DNALI1: variants seen among roughly 807,000 people sequenced by gnomAD.
The protein encoded by DNALI1 is axonemal dynein light intermediate polypeptide 1.
DNALI1 carries 31 observed loss-of-function variants against 33.9 expected under a neutral mutation model. That is an observed-to-expected ratio of 0.91 (90% CI 0.69 to 1.23). DNALI1 has a LOEUF of 1.23. Ranked by LOEUF, DNALI1 falls within the 50% of genes most tolerant of loss-of-function variation. The pLI, the probability that DNALI1 is intolerant of heterozygous loss-of-function variation, is 0.00. For missense variants in DNALI1, 305 were observed against 323.8 expected, an observed-to-expected ratio of 0.94 and a Z score of 0.44; for synonymous variants, 117 against 129.2, an observed-to-expected ratio of 0.91 and a Z score of 0.64.
rs746866631 is a variant in DNALI1 at position 37,561,744 on chromosome 1, G to A, written c.576+9G>A. On this transcript the variant is annotated intron_variant, in intron 4 of 5. Coordinates refer to ENST00000652629, the MANE Select transcript of DNALI1 (RefSeq NM_003462.5). The surrounding 1 kb of genome is among the most constrained non-coding windows in gnomAD (Gnocchi z 4.6). ...CAGACATGGAGAGGAAAGTGAGTGG[G>A]GTTTACCGTGACCCTTGGTCCCATC... is the stretch of plus-strand genomic sequence containing the variant. 6 of 1,611,876 alleles carry A rather than the reference G, an allele frequency of 3.7e-6. No individual in the cohort carries two copies. The highest frequency in any genetic ancestry group is 3.3e-5 in the Admixed American group (2 of 59,870).
intron 3 of DNALI1, chr1:37,560,827 A>G (rs1238206883): frequency 6.6e-6 from 1 of 152,240 alleles, no homozygotes; most frequent in Admixed American, 6.5e-5. Flanking sequence ...AGTCAGAAAG[A>G]TTAATGTTCA....
Position 37,566,663 on chromosome 1 carries a change from C to T in DNALI1, c.*1602C>T. 1 of 578,206 alleles carries T rather than the reference C, an allele frequency of 1.7e-6. No homozygotes were observed. The highest frequency in any genetic ancestry group is 3.2e-5 in the Admixed American group (1 of 30,936). The allele number at this position is 578,206 out of a possible 1,614,324, so 35.8% of individuals were successfully genotyped here. ...GTTCATCCAAAGTCTACCTGAAGTG[C>T]TAGACTTTCAGACTCTTATCACTGA... is the stretch of plus-strand genomic sequence containing the variant. On this transcript the variant is annotated 3_prime_UTR_variant, in exon 6 of 6. Transcript: ENST00000652629.
chr1:37,557,786 G>A (rs771643431), intron 2 of DNALI1, 38 bp downstream of exon 2: 1 of 1,609,770 alleles, frequency 6.2e-7, no homozygotes, highest in Admixed American at 1.7e-5. Flanking sequence ...GAAGGCCTAA[G>A]CTTTTACATC....
rs1464360941 is a variant in DNALI1, at chr1:37,565,639, C to G, written c.*578C>G. The G allele has an allele frequency of 6.5e-6, 1 of 152,826 alleles. No individual in the cohort carries two copies. The highest frequency in any genetic ancestry group is 1.5e-5 in the Non-Finnish European group (1 of 68,560). The allele number at this position is 152,826 out of a possible 1,614,324, so 9.5% of individuals were successfully genotyped here. A position where few individuals can be genotyped will look rare whatever the true frequency, so the allele number is the denominator to read the frequency against. On this transcript the variant is annotated 3_prime_UTR_variant, in exon 6 of 6. Coordinates refer to ENST00000652629, the MANE Select transcript of DNALI1 (RefSeq NM_003462.5). ...GTTTCAGACTGCCTACATTAGGAAA[C>G]AATGGCAGTCAAACCCATGGCTTTG...
chr1:37,558,034 C>A (rs891876112), intron 2 of DNALI1: 116 of 376,186 alleles, frequency 3.1e-4, no homozygotes, highest in African/African-American at 2.3e-3. Flanking sequence ...CTCCACTAAA[C>A]TCCAGGACCA....
rs757201027 is a variant in DNALI1 at position 37,562,189 on chromosome 1, GAGA to G, written c.691_693del (p.Lys231del). The G allele has an allele frequency of 5.0e-5, 81 of 1,613,882 alleles. No homozygotes were observed. Among genetic ancestry groups the G allele is most frequent in the African/African-American group, 1.5e-4 (11 of 74,916 alleles). On this transcript the variant is annotated inframe_deletion, in exon 5 of 6. Transcript: ENST00000652629. The surrounding 1 kb of genome is among the most constrained non-coding windows in gnomAD (Gnocchi z 5.8). ...GGAGAGCGAGAGGCGGCAGGTGGAGGAGAAGAAGCACAATGAGGAGATTCAGTT... is the reference window on the plus strand; with the variant it reads ...GGAGAGCGAGAGGCGGCAGGTGGAGGAGAAGCACAATGAGGAGATTCAGTT...
chr1:37,561,989 G>A lies in DNALI1; in HGVS notation c.577-92G>A, dbSNP rs1643445247. Reference sequence around the variant, plus strand: ...CCCACTGGGTGGCAGTATATACCCTGGCAATGTCATGTCCCATGTCCCTTC... The same window carrying A: ...CCCACTGGGTGGCAGTATATACCCTAGCAATGTCATGTCCCATGTCCCTTC... On this transcript the variant is annotated intron_variant, in intron 4 of 5. Transcript: ENST00000652629. The surrounding 1 kb of genome is among the most constrained non-coding windows in gnomAD (Gnocchi z 4.6). The A allele has an allele frequency of 6.4e-7, 1 of 1,571,320 alleles. No homozygotes were observed. Among genetic ancestry groups the A allele is most frequent in the Admixed American group, 1.7e-5 (1 of 57,796 alleles).
At chr1:37,558,931 C>T (rs1643404216) in intron 2 of DNALI1, among the ~76,000 whole-genome samples, 1 of 152,254 alleles carries the variant, frequency 6.6e-6, no homozygotes, top group South Asian at 2.1e-4. Flanking sequence ...ATACACACAT[C>T]TGCCTCTTTC....
chr1:37,557,138 C>A, intron 1 of DNALI1, 63 bp downstream of exon 1: 1 of 1,608,050 alleles, frequency 6.2e-7, no homozygotes, highest in South Asian at 1.1e-5. Flanking sequence ...GACACATTCC[C>A]GCATGGAGGG....
chr1:37,562,190 A>G lies in DNALI1; in HGVS notation c.686A>G (p.Glu229Gly), dbSNP rs1570040121. 3 of 1,613,760 alleles carry G rather than the reference A, an allele frequency of 1.9e-6. No individual in the cohort carries two copies. Among genetic ancestry groups the G allele is most frequent in the Non-Finnish European group, 1.7e-6 (2 of 1,179,828 alleles). ...KRESERRQVE[E>G]KKHNEEIQFL... ...GAGAGCGAGAGGCGGCAGGTGGAGG[A>G]GAAGAAGCACAATGAGGAGATTCAG... The change falls in exon 5 of 6, where the codon GAG becomes GGG. Residue 229 changes from glutamate to glycine, a missense_variant. Coordinates refer to ENST00000652629, the MANE Select transcript of DNALI1 (RefSeq NM_003462.5). The surrounding 1 kb of genome is among the most constrained non-coding windows in gnomAD (Gnocchi z 5.8).
chr1:37,563,184 T>C lies in DNALI1; in HGVS notation c.741+939T>C, dbSNP rs1452840585. On this transcript the variant is annotated intron_variant, in intron 5 of 5. Transcript: ENST00000652629. ...ACCTTACAATCTTGACATTGCAGGC[T>C]TGTTTGGTCTACACACCAGCAGGAC... 3.9e-5 allele frequency among the ~76,000 whole-genome samples: 6 copies of C among 152,330 alleles called. No individual in the cohort carries two copies. The East Asian group carries it at 7.7e-4, about 20-fold the overall frequency.
Position 37,565,238 on chromosome 1 carries a change from C to A in DNALI1, c.*177C>A. On this transcript the variant is annotated 3_prime_UTR_variant, in exon 6 of 6. Coordinates refer to ENST00000652629, the MANE Select transcript of DNALI1 (RefSeq NM_003462.5). Reference sequence around the variant, plus strand: ...TTTGTTAGAAGTCACACTATTACTCCAATGTCATCAGACACCTAAGGTCTG... The same window carrying A: ...TTTGTTAGAAGTCACACTATTACTCAAATGTCATCAGACACCTAAGGTCTG... 1 of 664,574 alleles carries A rather than the reference C, an allele frequency of 1.5e-6. No homozygotes were observed. Among genetic ancestry groups the A allele is most frequent in the South Asian group, 1.9e-5 (1 of 53,104 alleles). 41.2% of individuals were successfully genotyped at this position (664,574 alleles called of 1,614,324 possible). A position where few individuals can be genotyped will look rare whatever the true frequency, so the allele number is the denominator to read the frequency against.
chr1:37,557,649 C>G lies in DNALI1; in HGVS notation c.128C>G (p.Ser43Ter), dbSNP rs1557631786. 1.2e-6 allele frequency: 2 copies of G among 1,614,072 alleles called. No individual in the cohort carries two copies. Among genetic ancestry groups the G allele is most frequent in the Non-Finnish European group, 1.7e-6 (2 of 1,179,980 alleles). The change falls in exon 2 of 6, where the codon TCA (serine) becomes TGA (stop). Residue 43 changes from serine to a stop codon, truncating the protein, a stop_gained. Coordinates refer to ENST00000652629, the MANE Select transcript of DNALI1 (RefSeq NM_003462.5). LOFTEE classifies it high-confidence loss of function. ...CCCCAGCAGCCTGGACCTTCAGGTT[C>G]AGCCCCACAGCCACCCAAGACCAAG... ...VSPQQPGPSG[S>*]APQPPKTKLP...
rs552818705 is a variant in DNALI1, at chr1:37,559,940, C to T, written c.397+444C>T. 1.6e-4 allele frequency among the ~76,000 whole-genome samples: 25 copies of T among 152,262 alleles called. No individual in the cohort carries two copies. Among genetic ancestry groups the T allele is most frequent in the African/African-American group, 5.3e-4 (22 of 41,546 alleles). On this transcript the variant is annotated intron_variant, in intron 3 of 5. Coordinates refer to ENST00000652629, the MANE Select transcript of DNALI1 (RefSeq NM_003462.5). This position sits in a 1 kb window ranked among gnomAD's most constrained non-coding sequence, Gnocchi z 5.3. Reference sequence around the variant, plus strand: ...GAAGATCAGCAAGAAAACACGTGAGCAAAGGAATCTGTGTCACGAATAAGT... The same window carrying T: ...GAAGATCAGCAAGAAAACACGTGAGTAAAGGAATCTGTGTCACGAATAAGT...
chr1:37,562,358 C>A lies in DNALI1; in HGVS notation c.741+113C>A. The A allele has an allele frequency of 1.4e-6, 2 of 1,383,242 alleles. No homozygotes were observed. The highest frequency in any genetic ancestry group is 2.5e-5 in the East Asian group (1 of 39,728). 85.7% of individuals were successfully genotyped at this position (1,383,242 alleles called of 1,614,324 possible). On this transcript the variant is annotated intron_variant, in intron 5 of 5. Coordinates refer to ENST00000652629, the MANE Select transcript of DNALI1 (RefSeq NM_003462.5). This position sits in a 1 kb window ranked among gnomAD's most constrained non-coding sequence, Gnocchi z 5.8. ...TTTAAATGTTTGTCCACATGCACTGCCAAAGGATAAAGGAAGCTGACTTTG... is the reference window on the plus strand; with the variant it reads ...TTTAAATGTTTGTCCACATGCACTGACAAAGGATAAAGGAAGCTGACTTTG...
rs1401337849 is a variant in DNALI1 at position 37,562,756 on chromosome 1, G to A, written c.741+511G>A. Among the ~76,000 whole-genome samples, 1 of 152,184 alleles carries A rather than the reference G, an allele frequency of 6.6e-6. No homozygotes were observed. The highest frequency in any genetic ancestry group is 1.5e-5 in the Non-Finnish European group (1 of 68,034). On this transcript the variant is annotated intron_variant, in intron 5 of 5. Transcript: ENST00000652629. The surrounding 1 kb of genome is among the most constrained non-coding windows in gnomAD (Gnocchi z 5.8). Reference sequence around the variant, plus strand: ...GTGGTCGGGGAACCCAGGCACAGGTGCTCTTCCTCGAAGTCCGATGCCAGC... The same window carrying A: ...GTGGTCGGGGAACCCAGGCACAGGTACTCTTCCTCGAAGTCCGATGCCAGC...
At chr1:37,564,761 A>G (rs1405167263) in intron 5 of DNALI1, among the ~76,000 whole-genome samples, 2 of 152,144 alleles carry the variant, frequency 1.3e-5, no homozygotes, top group African/African-American at 4.8e-5. Context: ...AATGCATTCA[A>G]TATCCTTTTC....
intron 3 of DNALI1, chr1:37,560,808 T>A (rs1462342947): frequency 6.6e-6 from 1 of 152,272 alleles, no homozygotes; most frequent in Non-Finnish European, 1.5e-5. Flanking sequence ...AAGCATGTGC[T>A]AATTTTTTAG....
chr1:37,562,991 G>A lies in DNALI1; in HGVS notation c.741+746G>A, dbSNP rs567957560. On this transcript the variant is annotated intron_variant, in intron 5 of 5. Transcript: ENST00000652629. The surrounding 1 kb of genome is among the most constrained non-coding windows in gnomAD (Gnocchi z 5.8). ...TACCAAATCAGAAAATTCGGGGTTGGGGTCCAGCAATGTGCTTTAACAAGG... is the reference window on the plus strand; with the variant it reads ...TACCAAATCAGAAAATTCGGGGTTGAGGTCCAGCAATGTGCTTTAACAAGG... Among the ~76,000 whole-genome samples the A allele has an allele frequency of 6.6e-6, 1 of 152,308 alleles. No homozygotes were observed. Among genetic ancestry groups the A allele is most frequent in the South Asian group, 2.1e-4 (1 of 4,824 alleles).
Sources: allele counts gnomAD v4.1 joint callset (sites outside exome capture counted in the v4.1 genomes callset), GRCh38; gene constraint gnomAD v4.1.1; non-coding constraint Gnocchi (gnomAD v3.1); transcripts MANE v1.5; gene names NCBI Gene and HGNC (gene_info 2026-07-23, HGNC 2026-07-21).